Variants in SH3BP4 observed in about 807,000 individuals in gnomAD.
The protein encoded by SH3BP4 is SH3 domain-binding protein 4.
A neutral mutation model predicts 65.5 loss-of-function variants in SH3BP4; 33 were observed. The ratio of observed to expected loss-of-function variants is 0.50; its 90% CI spans 0.38 to 0.67. The LOEUF (loss-of-function observed/expected upper bound fraction) is 0.67, where lower values mean the gene tolerates loss of function less well. SH3BP4 is among the 30% of genes least tolerant of loss of function. The probability of loss-of-function intolerance (pLI) is 0.00; values close to 1 mark genes in which losing one functional copy is unlikely to be tolerated. For synonymous variants in SH3BP4, 552 were observed against 545.5 expected, an observed-to-expected ratio of 1.01 and a Z score of -0.17; for missense variants, 1,134 against 1,261.4, an observed-to-expected ratio of 0.90 and a Z score of 1.53.
At chr2:235,024,082 A>AT (rs759182450) in intron 2 of SH3BP4, among the ~76,000 whole-genome samples, 4 of 152,328 alleles carry the variant, frequency 2.6e-5, no homozygotes, top group Non-Finnish European at 5.9e-5. Context: ...TCGATTAGTA[A>AT]TTGATGGACA....
intron 3 of SH3BP4, among the ~76,000 whole-genome samples, chr2:235,037,472 T>G (rs1000160649): frequency 6.6e-6 from 1 of 152,220 alleles, no homozygotes; most frequent in Admixed American, 6.5e-5. Context: ...AGTAAAACCA[T>G]TCTTATTCTT....
intron 2 of SH3BP4, among the ~76,000 whole-genome samples, chr2:235,027,677 G>A (rs1218304326): frequency 6.6e-6 from 1 of 152,206 alleles, no homozygotes; most frequent in Non-Finnish European, 1.5e-5. Context: ...GGCACACAGG[G>A]AATTGGCAGG....
intron 4 of SH3BP4, among the ~76,000 whole-genome samples, chr2:235,048,678 C>T (rs1695954131): frequency 6.6e-6 from 1 of 152,228 alleles, no homozygotes; most frequent in African/African-American, 2.4e-5. Context: ...ACTCTGGCCG[C>T]CAGGCCCGCT....
At position 235,041,015 on chromosome 2, in the gene SH3BP4, C is replaced by T. The variant is rs1293894946; in HGVS notation, c.246C>T (p.Leu82=). The T allele has an allele frequency of 6.2e-7, 1 of 1,614,204 alleles. No individual in the cohort carries two copies. Among genetic ancestry groups the T allele is most frequent in the Admixed American group, 1.7e-5 (1 of 60,034 alleles). ...TGAAGTTCTCCAAGGGCGACCATCT[C>T]TACGTCTTGGACACATCTGGCGGTG... ...TTLKFSKGDH[L]YVLDTSGGEW... Residue 82 remains leucine (L), a synonymous_variant, in exon 4 of 6, where the codon CTC becomes CTT. Transcript: ENST00000392011. The surrounding 1 kb of genome is among the most constrained non-coding windows in gnomAD (Gnocchi z 6.0).
rs1695849564 is a variant in SH3BP4, at chr2:235,046,095, C to T, written c.2478+2848C>T. Among the ~76,000 whole-genome samples the T allele has an allele frequency of 6.6e-6, 1 of 152,210 alleles. No homozygotes were observed. The highest frequency in any genetic ancestry group is 2.4e-5 in the African/African-American group (1 of 41,458). ...TGTGCACCCCTGCCCTGAACACACC[C>T]AGCTCGCCCGGCCTCCAGCTCCTGC... On this transcript the variant is annotated intron_variant, in intron 4 of 5. Transcript: ENST00000392011. The surrounding 1 kb of genome is among the most constrained non-coding windows in gnomAD (Gnocchi z 4.2).
intron 4 of SH3BP4, among the ~76,000 whole-genome samples, chr2:235,048,108 G>T (rs139190456): frequency 1.7e-3 from 259 of 152,286 alleles, no homozygotes; most frequent in Middle Eastern, 3.4e-3. Context: ...TTGATGGACA[G>T]TGTGCATTGG....
At chr2:235,007,165 A>G (rs937724394) in intron 2 of SH3BP4, among the ~76,000 whole-genome samples, 1 of 151,964 alleles carries the variant, frequency 6.6e-6, no homozygotes, top group African/African-American at 2.4e-5. Flanking sequence ...GTTGAGTGGG[A>G]GAGTCCAGGT....
chr2:234,965,650 G>A (rs1182155168), intron 1 of SH3BP4, among the ~76,000 whole-genome samples: 1 of 152,218 alleles, frequency 6.6e-6, no homozygotes, highest in Non-Finnish European at 1.5e-5. Context: ...GAAATTGGCT[G>A]CTTGCTAAAT....
At chr2:235,004,796 G>A (rs545763742) in intron 2 of SH3BP4, among the ~76,000 whole-genome samples, 4 of 152,164 alleles carry the variant, frequency 2.6e-5, no homozygotes, top group Non-Finnish European at 5.9e-5. Context: ...CATTTGGGTC[G>A]TTGCCACCTT....
chr2:235,034,500 G>A lies in SH3BP4; in HGVS notation c.-132-371G>A, dbSNP rs1695307640. ...CAGAGGCCGATTTTTCCTTTTCCGA[G>A]CCCTGCAGCTAGCAGCATGAACTGT... On this transcript the variant is annotated intron_variant, in intron 2 of 5. Coordinates refer to ENST00000392011, the MANE Select transcript of SH3BP4 (RefSeq NM_014521.3). The surrounding 1 kb of genome is among the most constrained non-coding windows in gnomAD (Gnocchi z 6.2). Among the ~76,000 whole-genome samples, 1 of 152,140 alleles carries A rather than the reference G, an allele frequency of 6.6e-6. No individual in the cohort carries two copies. Among genetic ancestry groups the A allele is most frequent in the African/African-American group, 2.4e-5 (1 of 41,434 alleles).
chr2:235,048,417 A>G (rs1695945270), intron 4 of SH3BP4, among the ~76,000 whole-genome samples: 1 of 151,968 alleles, frequency 6.6e-6, no homozygotes, highest in African/African-American at 2.4e-5. Flanking sequence ...TGCAGCCTCG[A>G]ACTCCTGGGC....
intron 2 of SH3BP4, among the ~76,000 whole-genome samples, chr2:235,004,502 A>G (rs1314086605): frequency 2.0e-5 from 3 of 152,174 alleles, no homozygotes; most frequent in African/African-American, 7.2e-5. Context: ...TTCAACCCTA[A>G]AGGGCACCCA....
chr2:235,036,843 C>T (rs1031077998), intron 3 of SH3BP4, among the ~76,000 whole-genome samples: 3 of 151,686 alleles, frequency 2.0e-5, no homozygotes, highest in Admixed American at 6.6e-5. Context: ...CAGCCTTGAA[C>T]GTGAGGAGGA....
intron 1 of SH3BP4, among the ~76,000 whole-genome samples, chr2:234,960,750 G>A (rs561432928): frequency 4.5e-4 from 69 of 152,218 alleles, no homozygotes; most frequent in African/African-American, 1.7e-3. Flanking sequence ...CCTGTGTTAC[G>A]CACTGAGACA....
Position 235,042,725 on chromosome 2 carries a change from G to T in SH3BP4, c.1956G>T (p.Pro652=). ...AGTACCCGACTTTCCAGGACCGCCC[G>T]GTGTCCAGCCTCAAGTTTGGTAAGT... ...TTKYPTFQDR[P]VSSLKFGKLL... Residue 652 remains proline (P), a synonymous_variant, in exon 4 of 6, where the codon CCG becomes CCT. Transcript: ENST00000392011. This position sits in a 1 kb window ranked among gnomAD's most constrained non-coding sequence, Gnocchi z 7.3. 1 of 1,614,168 alleles carries T rather than the reference G, an allele frequency of 6.2e-7. No homozygotes were observed. Among genetic ancestry groups the T allele is most frequent in the Non-Finnish European group, 8.5e-7 (1 of 1,180,034 alleles).
chr2:234,972,211 A>G (rs774417861), intron 1 of SH3BP4, among the ~76,000 whole-genome samples: 2 of 150,406 alleles, frequency 1.3e-5, no homozygotes, highest in Non-Finnish European at 2.9e-5. Context: ...GGCTCACTGC[A>G]ACCTCTGCCT....
chr2:235,006,096 G>A (rs1023213003), intron 2 of SH3BP4, among the ~76,000 whole-genome samples: 13 of 152,212 alleles, frequency 8.5e-5, no homozygotes, highest in Non-Finnish European at 1.5e-4. Flanking sequence ...GCTGGCTGGA[G>A]TGGAGTGACC....
chr2:235,038,385 A>T (rs868568462), intron 3 of SH3BP4, among the ~76,000 whole-genome samples: 10 of 12,926 alleles, frequency 7.7e-4, no homozygotes, highest in African/African-American at 5.5e-3. Flanking sequence ...ACATATATAT[A>T]TATATATATA....
chr2:235,038,338 A>AT (rs1491237728), intron 3 of SH3BP4, among the ~76,000 whole-genome samples: 1 of 6,858 alleles, frequency 1.5e-4, no homozygotes, highest in African/African-American at 4.4e-4. Context: ...TATTATATAT[A>AT]GTATATATAT....
Sources: gnomAD v4.1 joint callset for allele counts (sites outside exome capture counted in the v4.1 genomes callset) on GRCh38, gnomAD v4.1.1 for gene constraint, Gnocchi (gnomAD v3.1) non-coding constraint, MANE v1.5 for transcripts, NCBI Gene and HGNC (gene_info 2026-07-23, HGNC 2026-07-21) for gene names.